The following EFCAB6 variants were observed in gnomAD, a reference collection of about 807,000 sequenced individuals.
EFCAB6 encodes the protein EF-hand calcium-binding domain-containing protein 6.
A neutral mutation model predicts 169.8 loss-of-function variants in EFCAB6; 156 were observed. The ratio of observed to expected loss-of-function variants is 0.92; its 90% CI spans 0.81 to 1.05. The LOEUF is 1.05. Ranked by LOEUF, EFCAB6 falls within the 50% of genes least tolerant of loss-of-function variation. EFCAB6 has a pLI of 0.00. For missense variants in EFCAB6, 1,800 were observed against 1,829.1 expected, an observed-to-expected ratio of 0.98 and a Z score of 0.29; for synonymous variants, 698 against 676.4, an observed-to-expected ratio of 1.03 and a Z score of -0.50.
At chr22:43,724,616 T>A (rs2059658059) in intron 8 of EFCAB6, among the ~76,000 whole-genome samples, 1 of 152,080 alleles carries the variant, frequency 6.6e-6, no homozygotes, top group Admixed American at 6.6e-5. Context: ...ATGATCTGCC[T>A]GCCTTGGCCT....
rs563321294 is a variant in EFCAB6, at chr22:43,690,774, C to T, written c.1032-3193G>A. Among the ~76,000 whole-genome samples, 3 of 151,722 alleles carry T rather than the reference C, an allele frequency of 2.0e-5. No homozygotes were observed. In the South Asian group the frequency reaches 6.3e-4, roughly 32 times the overall value. On this transcript the variant is annotated intron_variant, in intron 10 of 31. Coordinates refer to ENST00000262726, the MANE Select transcript of EFCAB6 (RefSeq NM_022785.4). ...CTCGGTCCCTTCTGCTTGTTGCTTC[C>T]TTTGCCAACTGCCATGTCGCCCATC...
chr22:43,805,454 A>G (rs913176684), intron 2 of EFCAB6, among the ~76,000 whole-genome samples: 1 of 152,228 alleles, frequency 6.6e-6, no homozygotes, highest in Non-Finnish European at 1.5e-5. Flanking sequence ...CAAGCACCAA[A>G]AAGAAGAATG....
intron 12 of EFCAB6, among the ~76,000 whole-genome samples, chr22:43,678,400 C>T (rs370156338): frequency 1.9e-4 from 29 of 148,942 alleles, no homozygotes; most frequent in Non-Finnish European, 2.8e-4. Context: ...GGTGCAGTTC[C>T]TACAATGTTC....
At chr22:43,564,668 A>G (rs181677738) in intron 26 of EFCAB6, among the ~76,000 whole-genome samples, 6 of 152,234 alleles carry the variant, frequency 3.9e-5, no homozygotes, top group Admixed American at 3.9e-4. Flanking sequence ...AGGCTCCCTA[A>G]GGGTCAAGAG....
At chr22:43,603,756 C>G (rs1368872301) in intron 22 of EFCAB6, among the ~76,000 whole-genome samples, 1 of 152,258 alleles carries the variant, frequency 6.6e-6, no homozygotes, top group Admixed American at 6.5e-5. Context: ...GCTGGGGACA[C>G]AAGGAATTCT....
intron 2 of EFCAB6, among the ~76,000 whole-genome samples, chr22:43,798,901 A>T (rs2062605272): frequency 6.6e-6 from 1 of 151,958 alleles, no homozygotes; most frequent in Non-Finnish European, 1.5e-5. Flanking sequence ...GTTCATGTGC[A>T]CTCTTGAGAT....
chr22:43,768,837 T>C (rs1422284319), intron 4 of EFCAB6, among the ~76,000 whole-genome samples: 4 of 152,158 alleles, frequency 2.6e-5, no homozygotes, highest in African/African-American at 9.7e-5. Context: ...ATCATGACTA[T>C]AAGGACACAT....
chr22:43,612,915 A>G (rs1448045494), intron 21 of EFCAB6, among the ~76,000 whole-genome samples: 5 of 77,142 alleles, frequency 6.5e-5, no homozygotes, highest in South Asian at 3.7e-4. Context: ...AAAAAAAAGT[A>G]AAAAAAAACA....
chr22:43,583,210 T>C (rs2050844958), intron 24 of EFCAB6, among the ~76,000 whole-genome samples: 1 of 152,016 alleles, frequency 6.6e-6, no homozygotes, highest in South Asian at 2.1e-4. Flanking sequence ...CTTGCCCAGC[T>C]GTCTGGTCAT....
intron 5 of EFCAB6, among the ~76,000 whole-genome samples, chr22:43,758,819 T>G (rs1420747521): frequency 6.6e-6 from 1 of 152,246 alleles, no homozygotes; most frequent in Non-Finnish European, 1.5e-5. Context: ...TTAAAATGTT[T>G]TCTTACTTTT....
At chr22:43,696,488 T>C (rs1194118409) in intron 10 of EFCAB6, among the ~76,000 whole-genome samples, 1 of 152,198 alleles carries the variant, frequency 6.6e-6, no homozygotes, top group African/African-American at 2.4e-5. Context: ...CAAAGACTTG[T>C]ATATGAATGG....
chr22:43,751,152 A>C (rs2060745487), intron 6 of EFCAB6, among the ~76,000 whole-genome samples: 1 of 152,232 alleles, frequency 6.6e-6, no homozygotes, highest in South Asian at 2.1e-4. Context: ...TACTTCTTTA[A>C]CTGAATATAC....
At chr22:43,652,854 C>T (rs760099621) in intron 17 of EFCAB6, among the ~76,000 whole-genome samples, 11 of 150,830 alleles carry the variant, frequency 7.3e-5, no homozygotes, top group Non-Finnish European at 1.6e-4. Context: ...AAGAGAATAC[C>T]GGAGTATATT....
intron 9 of EFCAB6, among the ~76,000 whole-genome samples, chr22:43,713,225 C>T (rs986355735): frequency 2.0e-4 from 30 of 152,138 alleles, no homozygotes; most frequent in Non-Finnish European, 3.4e-4. Context: ...TATAAGGTAA[C>T]GTGATCTCTA....
chr22:43,663,200 T>C (rs565978035), intron 17 of EFCAB6, among the ~76,000 whole-genome samples: 2 of 152,358 alleles, frequency 1.3e-5, no homozygotes, highest in South Asian at 2.1e-4. Flanking sequence ...ATCGCTGTTA[T>C]TGCCATTACA....
At chr22:43,700,092 C>A (rs1447205013) in intron 10 of EFCAB6, among the ~76,000 whole-genome samples, 2 of 152,180 alleles carry the variant, frequency 1.3e-5, no homozygotes, top group Non-Finnish European at 2.9e-5. Context: ...TTGAAACGCA[C>A]ACCATGTTAG....
At chr22:43,586,959 G>A (rs981753214) in intron 24 of EFCAB6, among the ~76,000 whole-genome samples, 6 of 152,252 alleles carry the variant, frequency 3.9e-5, no homozygotes, top group African/African-American at 1.4e-4. Flanking sequence ...GAGCATCTAT[G>A]GATAATGGGA....
At chr22:43,764,938 T>A (rs2061281492) in intron 5 of EFCAB6, among the ~76,000 whole-genome samples, 1 of 152,130 alleles carries the variant, frequency 6.6e-6, no homozygotes, top group Non-Finnish European at 1.5e-5. Context: ...ATAACAACAT[T>A]AAAAATGTAT....
intron 15 of EFCAB6, among the ~76,000 whole-genome samples, chr22:43,670,632 T>A (rs1160553144): frequency 6.6e-6 from 1 of 152,226 alleles, no homozygotes; most frequent in Non-Finnish European, 1.5e-5. Flanking sequence ...TGCTCACTAG[T>A]ATTATAATCG....
Sources: gnomAD v4.1 joint callset for allele counts (sites outside exome capture counted in the v4.1 genomes callset) on GRCh38, gnomAD v4.1.1 for gene constraint, MANE v1.5 for transcripts, NCBI Gene and HGNC (gene_info 2026-07-23, HGNC 2026-07-21) for gene names.